Variants in PCDH9 observed in about 807,000 individuals in gnomAD.
PCDH9 encodes the protein protocadherin-9.
PCDH9 carries 24 observed loss-of-function variants against 70.6 expected under a neutral mutation model. The ratio of observed to expected loss-of-function variants is 0.34; its 90% CI spans 0.25 to 0.48. PCDH9 has a LOEUF of 0.48. Ranked by LOEUF, PCDH9 falls within the 20% of genes least tolerant of loss-of-function variation. PCDH9 has a pLI of 0.99. For synonymous variants in PCDH9, 562 were observed against 558.5 expected (o/e 1.01, Z -0.09); for missense variants, 1,281 against 1,503.6 (o/e 0.85, Z 2.45).
intron 2 of PCDH9, among the ~76,000 whole-genome samples, chr13:66,987,646 T>C (rs1050919526): frequency 6.6e-6 from 1 of 152,002 alleles, no homozygotes; most frequent in East Asian, 1.9e-4. Flanking sequence ...AATTGCATAA[T>C]TGCAAAACTG....
intron 3 of PCDH9, among the ~76,000 whole-genome samples, chr13:66,766,952 T>C (rs1487041760): frequency 1.3e-5 from 2 of 152,046 alleles, no homozygotes; most frequent in African/African-American, 2.4e-5. Flanking sequence ...CTTGAAGGTA[T>C]AGTAGGGTTC....
At chr13:66,766,280 C>T (rs778160202) in intron 3 of PCDH9, among the ~76,000 whole-genome samples, 8 of 151,788 alleles carry the variant, frequency 5.3e-5, no homozygotes, top group South Asian at 4.2e-4. Flanking sequence ...TCAGAGATGA[C>T]GATAGACTCA....
chr13:66,417,627 A>G (rs905130726), intron 4 of PCDH9, among the ~76,000 whole-genome samples: 1 of 152,200 alleles, frequency 6.6e-6, no homozygotes, highest in Non-Finnish European at 1.5e-5. Context: ...TCCCCCCAAC[A>G]GTGTAAAGTA....
intron 2 of PCDH9, among the ~76,000 whole-genome samples, chr13:67,040,048 A>G (rs1490940480): frequency 6.6e-6 from 1 of 152,250 alleles, no homozygotes; most frequent in Non-Finnish European, 1.5e-5. Context: ...AACAGTCCAT[A>G]ATACTAAAGC....
intron 2 of PCDH9, among the ~76,000 whole-genome samples, chr13:67,061,196 C>T (rs1322200802): frequency 6.6e-6 from 1 of 152,102 alleles, no homozygotes; most frequent in East Asian, 1.9e-4. Context: ...CACCCCAAAT[C>T]TCCTACTGTT....
At position 67,185,330 on chromosome 13, in the gene PCDH9, C is replaced by A. The variant is rs1206031144; in HGVS notation, c.3036+40075G>T. Among the ~76,000 whole-genome samples the A allele has an allele frequency of 2.6e-5, 4 of 152,120 alleles. No individual in the cohort carries two copies. The East Asian group carries it at 7.7e-4, about 29-fold the overall frequency. On this transcript the variant is annotated intron_variant, in intron 2 of 4. Transcript: ENST00000377865. ...TCATCAACTGTGTATGAGGAAATAG[C>A]AACTTCAAAATTACGTTATTTTTCT... is the stretch of plus-strand genomic sequence containing the variant.
chr13:67,196,750 T>A (rs149042504), intron 2 of PCDH9, among the ~76,000 whole-genome samples: 178 of 152,066 alleles, frequency 1.2e-3, no homozygotes, highest in African/African-American at 4.1e-3. Flanking sequence ...TTGGAATGAG[T>A]GTTAGATTAC....
chr13:66,805,320 C>A (rs553068651), intron 3 of PCDH9, among the ~76,000 whole-genome samples: 1 of 152,074 alleles, frequency 6.6e-6, no homozygotes, highest in Non-Finnish European at 1.5e-5. Context: ...TGCAGTCAAA[C>A]GTATTCAGGA....
chr13:66,309,168 C>A (rs758941752), intron 4 of PCDH9, among the ~76,000 whole-genome samples: 17 of 151,688 alleles, frequency 1.1e-4, no homozygotes, highest in Non-Finnish European at 2.4e-4. Flanking sequence ...ATGTAATTCC[C>A]AGTAATTGCT....
chr13:66,481,331 C>G (rs1958833015), intron 4 of PCDH9, among the ~76,000 whole-genome samples: 1 of 151,520 alleles, frequency 6.6e-6, no homozygotes, highest in African/African-American at 2.4e-5. Flanking sequence ...CTGCCATGGC[C>G]ACCTCAACCT....
At chr13:66,355,996 T>C (rs1956376064) in intron 4 of PCDH9, among the ~76,000 whole-genome samples, 1 of 152,090 alleles carries the variant, frequency 6.6e-6, no homozygotes, top group Non-Finnish European at 1.5e-5. Context: ...TAAACTACTT[T>C]TAAGTACTAA....
intron 3 of PCDH9, among the ~76,000 whole-genome samples, chr13:66,847,202 C>T (rs989829253): frequency 1.3e-5 from 2 of 152,146 alleles, no homozygotes; most frequent in Non-Finnish European, 2.9e-5. Flanking sequence ...TCATGTAAAG[C>T]ATTCAAGTTG....
chr13:66,983,352 A>G (rs1353852966), intron 2 of PCDH9, among the ~76,000 whole-genome samples: 1 of 152,194 alleles, frequency 6.6e-6, no homozygotes, highest in African/African-American at 2.4e-5. Context: ...CCGATTACTT[A>G]CAATGAAAGA....
intron 3 of PCDH9, among the ~76,000 whole-genome samples, chr13:66,813,615 G>C (rs2080550936): frequency 6.6e-6 from 1 of 152,008 alleles, no homozygotes; most frequent in Non-Finnish European, 1.5e-5. Flanking sequence ...ATAAAAATCT[G>C]AAAGAAAAAA....
intron 3 of PCDH9, among the ~76,000 whole-genome samples, chr13:66,892,331 TA>T (rs1196293187): frequency 6.6e-6 from 1 of 151,216 alleles, no homozygotes; most frequent in Non-Finnish European, 1.5e-5. Context: ...ATATAAAATG[TA>T]CGTTTAATAT....
intron 2 of PCDH9, among the ~76,000 whole-genome samples, chr13:66,926,775 AT>A (rs2082724206): frequency 6.6e-6 from 1 of 151,990 alleles, no homozygotes; most frequent in Non-Finnish European, 1.5e-5. Flanking sequence ...ACACACTACA[AT>A]TTTTTGTGTT....
intron 4 of PCDH9, among the ~76,000 whole-genome samples, chr13:66,430,565 G>A (rs1169716618): frequency 6.6e-6 from 1 of 152,038 alleles, no homozygotes; most frequent in African/African-American, 2.4e-5. Flanking sequence ...GCAACCAGGT[G>A]TTGGCCCTGT....
intron 2 of PCDH9, among the ~76,000 whole-genome samples, chr13:66,983,083 A>C (rs1316021797): frequency 2.0e-5 from 3 of 152,178 alleles, no homozygotes; most frequent in African/African-American, 7.2e-5. Flanking sequence ...GCTCATAGTT[A>C]GGAATCAAAT....
chr13:66,580,852 A>G (rs978899304), intron 4 of PCDH9, among the ~76,000 whole-genome samples: 3 of 152,200 alleles, frequency 2.0e-5, no homozygotes, highest in Non-Finnish European at 4.4e-5. Flanking sequence ...AGCTGATGTC[A>G]AAAATAACTG....
Sources: gnomAD v4.1 joint callset for allele counts (sites outside exome capture counted in the v4.1 genomes callset) on GRCh38, gnomAD v4.1.1 for gene constraint, MANE v1.5 for transcripts, NCBI Gene and HGNC (gene_info 2026-07-23, HGNC 2026-07-21) for gene names.